The following CDKAL1 variants were observed in gnomAD, a reference collection of about 807,000 sequenced individuals.
The protein encoded by CDKAL1 is CDKAL1 threonylcarbamoyladenosine tRNA methylthiotransferase, also known as threonylcarbamoyladenosine tRNA methylthiotransferase.
CDKAL1 carries 32 observed loss-of-function variants against 68.2 expected under a neutral mutation model. The ratio of observed to expected loss-of-function variants is 0.47; its 90% CI spans 0.35 to 0.63. The LOEUF (loss-of-function observed/expected upper bound fraction) is 0.63, where lower values mean the gene tolerates loss of function less well. CDKAL1 is among the 30% of genes least tolerant of loss of function. The pLI, the probability that CDKAL1 is intolerant of heterozygous loss-of-function variation, is 0.00. For missense variants in CDKAL1, 606 were observed against 696.7 expected, an observed-to-expected ratio of 0.87 and a Z score of 1.47; for synonymous variants, 234 against 244.3, an observed-to-expected ratio of 0.96 and a Z score of 0.39.
At chr6:20,928,298 G>A (rs1763272956) in intron 9 of CDKAL1, among the ~76,000 whole-genome samples, 5 of 152,218 alleles carry the variant, frequency 3.3e-5, no homozygotes, top group Admixed American at 2.0e-4. Flanking sequence ...TTCATGGGAT[G>A]TGAAGAAACT....
At chr6:20,948,217 C>G (rs564149592) in intron 9 of CDKAL1, among the ~76,000 whole-genome samples, 2 of 151,860 alleles carry the variant, frequency 1.3e-5, no homozygotes, top group South Asian at 4.2e-4. Flanking sequence ...GGGTCTTGCT[C>G]TGTTGCCCAG....
intron 4 of CDKAL1, among the ~76,000 whole-genome samples, chr6:20,625,362 G>A (rs570902831): frequency 7.2e-4 from 110 of 152,142 alleles, no homozygotes; most frequent in Non-Finnish European, 1.4e-3. Flanking sequence ...TAGTCAATAC[G>A]CATCCATTTT....
chr6:20,710,150 A>G (rs1771782370), intron 5 of CDKAL1, among the ~76,000 whole-genome samples: 1 of 152,186 alleles, frequency 6.6e-6, no homozygotes, highest in Non-Finnish European at 1.5e-5. Context: ...CAACATTATG[A>G]TAATTACTTC....
In CDKAL1 at chr6:21,108,387, G is replaced by GT. The variant is rs548838034; in HGVS notation, c.1237-6dup. The GT allele has an allele frequency of 2.6e-4, 402 of 1,558,912 alleles. 1 individual carries two copies. Among genetic ancestry groups the GT allele is most frequent in the South Asian group, 1.1e-3 (97 of 85,124 alleles). On this transcript the variant is annotated splice_polypyrimidine_tract_variant and intron_variant, in intron 12 of 15. Coordinates refer to ENST00000274695, the MANE Select transcript of CDKAL1 (RefSeq NM_017774.3). The stretch of plus-strand genomic sequence containing the variant: ...TGTATGTTGGTTTTTTGTTTTTTTT[G>GT]TTTTTTTTCACAGAAAAAGCAAAGG...
At chr6:20,880,569 TTTAAG>T (rs1415344009) in intron 9 of CDKAL1, among the ~76,000 whole-genome samples, 4 of 152,126 alleles carry the variant, frequency 2.6e-5, no homozygotes, top group African/African-American at 9.7e-5. Flanking sequence ...AACTACATTC[TTTAAG>T]TTATTATAAT....
At chr6:21,098,960 T>C (rs1180135816) in intron 12 of CDKAL1, among the ~76,000 whole-genome samples, 2 of 152,168 alleles carry the variant, frequency 1.3e-5, no homozygotes, top group Admixed American at 1.3e-4. Context: ...GAGTCCTAAA[T>C]AGAAGAGTGC....
chr6:20,702,832 G>T (rs920734671), intron 5 of CDKAL1, among the ~76,000 whole-genome samples: 1 of 152,156 alleles, frequency 6.6e-6, no homozygotes, highest in Non-Finnish European at 1.5e-5. Flanking sequence ...GTCTGTGGGG[G>T]TGGAGCCCTA....
chr6:20,634,611 A>G (rs1767815148), intron 4 of CDKAL1, among the ~76,000 whole-genome samples: 1 of 152,230 alleles, frequency 6.6e-6, no homozygotes, highest in Non-Finnish European at 1.5e-5. Context: ...TGTATTTCAC[A>G]TTATTTTGGA....
intron 9 of CDKAL1, among the ~76,000 whole-genome samples, chr6:20,848,671 CTGTTG>C (rs1758826913): frequency 1.3e-5 from 2 of 152,084 alleles, no homozygotes; most frequent in South Asian, 4.1e-4. Context: ...TCAGGTTTTT[CTGTTG>C]CCTTATTATC....
chr6:20,708,942 T>C (rs1370035789), intron 5 of CDKAL1, among the ~76,000 whole-genome samples: 1 of 152,144 alleles, frequency 6.6e-6, no homozygotes, highest in Non-Finnish European at 1.5e-5. Flanking sequence ...CAAACATTGG[T>C]CATGATAGAA....
At chr6:20,641,751 G>T (rs1024673799) in intron 4 of CDKAL1, among the ~76,000 whole-genome samples, 5 of 152,164 alleles carry the variant, frequency 3.3e-5, no homozygotes, top group Non-Finnish European at 7.3e-5. Context: ...CGTTATAGTG[G>T]ATATGTTGGC....
At chr6:21,092,746 AAAG>A (rs1025538462) in intron 12 of CDKAL1, among the ~76,000 whole-genome samples, 6 of 152,006 alleles carry the variant, frequency 3.9e-5, no homozygotes, top group East Asian at 1.9e-4. Context: ...AAAAAAAAAA[AAAG>A]AAGTTACTGA....
chr6:20,540,272 AC>A (rs1357197750), intron 2 of CDKAL1, among the ~76,000 whole-genome samples: 1 of 151,394 alleles, frequency 6.6e-6, no homozygotes, highest in Non-Finnish European at 1.5e-5. Context: ...ATGGGGTTTC[AC>A]CATGTTGGAC....
chr6:20,639,773 T>C (rs755576100), intron 4 of CDKAL1, among the ~76,000 whole-genome samples: 4 of 152,156 alleles, frequency 2.6e-5, no homozygotes, highest in Non-Finnish European at 5.9e-5. Context: ...CATGTTCAAG[T>C]GATTCTTCTG....
intron 4 of CDKAL1, among the ~76,000 whole-genome samples, chr6:20,624,375 T>G (rs1469293917): frequency 2.5e-5 from 1 of 40,104 alleles, no homozygotes. Context: ...ATTTTTAAGT[T>G]TTTTCCCCCC....
intron 9 of CDKAL1, among the ~76,000 whole-genome samples, chr6:20,884,333 A>T (rs923426424): frequency 6.6e-6 from 1 of 152,200 alleles, no homozygotes; most frequent in African/African-American, 2.4e-5. Context: ...AAAAAACCCT[A>T]TAAGTAGAAG....
At chr6:21,119,668 T>TTATACTTA (rs144625138) in intron 13 of CDKAL1, among the ~76,000 whole-genome samples, 1 of 152,328 alleles carries the variant, frequency 6.6e-6, no homozygotes, top group East Asian at 1.9e-4. Flanking sequence ...ATACCATTCT[T>TTATACTTA]TATACTTATA....
chr6:20,617,058 CT>C (rs1254060204), intron 4 of CDKAL1, among the ~76,000 whole-genome samples: 13 of 146,090 alleles, frequency 8.9e-5, no homozygotes. Context: ...AAAAAAAAGC[CT>C]TTTTGTTCTA....
intron 12 of CDKAL1, among the ~76,000 whole-genome samples, chr6:21,081,915 A>G (rs1562015418): frequency 6.6e-6 from 1 of 152,002 alleles, no homozygotes; most frequent in Non-Finnish European, 1.5e-5. Context: ...TTGTTCTGTG[A>G]TAAGTATGGT....
Sources: allele counts gnomAD v4.1 joint callset (sites outside exome capture counted in the v4.1 genomes callset), GRCh38; gene constraint gnomAD v4.1.1; transcripts MANE v1.5; gene names NCBI Gene and HGNC (gene_info 2026-07-23, HGNC 2026-07-21).